The following FAM240A variants were observed in gnomAD, a reference collection of about 807,000 sequenced individuals.
FAM240A encodes family with sequence similarity 240 member A, also known as protein FAM240A.
FAM240A carries 8 observed loss-of-function variants against 7.3 expected under a neutral mutation model. That is an observed-to-expected ratio of 1.09 (90% CI 0.64 to 1.97). The LOEUF is 1.97. Among genes scored for constraint, FAM240A ranks in the 30% most tolerant of loss-of-function variants. The probability of loss-of-function intolerance (pLI) is 0.00; values close to 1 mark genes in which losing one functional copy is unlikely to be tolerated. For missense variants in FAM240A, 90 were observed against 102.2 expected (o/e 0.88, Z 0.52); for synonymous variants, 32 against 35.9 (o/e 0.89, Z 0.38).
Position 46,612,702 on chromosome 3 carries a change from A to G in FAM240A, c.15+4A>G. The stretch of plus-strand genomic sequence containing the variant: ...TCCCTTCATGCGGTTGTTCTCTGTA[A>G]GTGTTAATTAATTTGTTGATTTTGT... On this transcript the variant is annotated splice_donor_region_variant and intron_variant, in intron 1 of 2. Coordinates refer to ENST00000640551, the MANE Select transcript of FAM240A (RefSeq NM_001195442.2). 1 of 1,534,444 alleles carries G rather than the reference A, an allele frequency of 6.5e-7. No individual in the cohort carries two copies. The highest frequency in any genetic ancestry group is 8.7e-7 in the Non-Finnish European group (1 of 1,145,384).
intron 2 of FAM240A, among the ~76,000 whole-genome samples, chr3:46,623,927 C>G (rs1017405182): frequency 1.3e-5 from 2 of 152,092 alleles, no homozygotes; most frequent in Non-Finnish European, 2.9e-5. Context: ...CTCTATTTCT[C>G]TCATCTGTTG....
intron 1 of FAM240A, among the ~76,000 whole-genome samples, chr3:46,615,969 T>C (rs1222992171): frequency 2.6e-5 from 4 of 152,212 alleles, no homozygotes; most frequent in Non-Finnish European, 5.9e-5. Flanking sequence ...CTGAAGCCTG[T>C]CACTCCTCAA....
intron 1 of FAM240A, among the ~76,000 whole-genome samples, chr3:46,616,690 T>TACACAC (rs3087116): frequency 0.014 from 1,989 of 143,606 alleles, 21 homozygotes; most frequent in Non-Finnish European, 0.021. Context: ...AGTATTCCAT[T>TACACAC]ACACACACAC....
At chr3:46,624,983 T>TA in intron 2 of FAM240A, 145 bp from the exon 3 acceptor site, 1 of 216,348 alleles carries the variant, frequency 4.6e-6, no homozygotes, top group Non-Finnish European at 8.6e-6. Flanking sequence ...ATATATATAT[T>TA]TAAACTTGCA....
intron 2 of FAM240A, among the ~76,000 whole-genome samples, chr3:46,624,595 T>C (rs773629693): frequency 1.1e-4 from 16 of 152,130 alleles, no homozygotes; most frequent in Non-Finnish European, 2.4e-4. Context: ...TAAAGCTATT[T>C]AAGTAGTTTT....
At chr3:46,622,469 G>A (rs1045387106) in intron 2 of FAM240A, among the ~76,000 whole-genome samples, 1 of 152,006 alleles carries the variant, frequency 6.6e-6, no homozygotes, top group Admixed American at 6.6e-5. Context: ...CTATCCCAAG[G>A]TCACAAAGAT....
intron 1 of FAM240A, among the ~76,000 whole-genome samples, chr3:46,614,556 T>A (rs1288418017): frequency 6.6e-6 from 1 of 152,248 alleles, no homozygotes; most frequent in Non-Finnish European, 1.5e-5. Context: ...AAGGGAGCTC[T>A]GCTATTTCTT....
chr3:46,624,860 A>G (rs1472260594), intron 2 of FAM240A, among the ~76,000 whole-genome samples: 1 of 151,932 alleles, frequency 6.6e-6, no homozygotes, highest in African/African-American at 2.4e-5. Context: ...CCTGACTGCA[A>G]ATATATTTTC....
Position 46,618,500 on chromosome 3 carries a change from C to A in FAM240A, c.161+1172C>A, listed in dbSNP as rs560019289. Among the ~76,000 whole-genome samples, 320 of 152,268 alleles carry A rather than the reference C, an allele frequency of 2.1e-3. 7 individuals are homozygous for A. The highest frequency in any genetic ancestry group is 1.7e-3 in the East Asian group (9 of 5,184). On this transcript the variant is annotated intron_variant, in intron 2 of 2. Transcript: ENST00000640551. ...AGAGAGGCACAAGCCAAGGGGTGAA[C>A]AAAACAGCCTCTGAAGCAAATTGTG... is the stretch of plus-strand genomic sequence containing the variant.
intron 2 of FAM240A, among the ~76,000 whole-genome samples, chr3:46,623,985 A>G (rs902914071): frequency 1.3e-5 from 2 of 151,876 alleles, no homozygotes; most frequent in African/African-American, 4.8e-5. Flanking sequence ...TCAAGTGAGT[A>G]TTTTTTATGA....
chr3:46,625,695 A>G lies in FAM240A; in HGVS notation c.*477A>G, dbSNP rs1415406357. 6.6e-6 allele frequency: 1 copy of G among 152,202 alleles called. No individual in the cohort carries two copies. The highest frequency in any genetic ancestry group is 2.4e-5 in the African/African-American group (1 of 41,446). 9.4% of individuals were successfully genotyped at this position (152,202 alleles called of 1,614,324 possible). A position where few individuals can be genotyped will look rare whatever the true frequency, so the allele number is the denominator to read the frequency against. ...ACCTATCTGCAGAAATTAAAAAACA[A>G]TTATCAATAGTCAAAGTACAATTTG... On this transcript the variant is annotated 3_prime_UTR_variant, in exon 3 of 3. Transcript: ENST00000640551.
chr3:46,615,571 G>C (rs1023081435), intron 1 of FAM240A, among the ~76,000 whole-genome samples: 2 of 152,052 alleles, frequency 1.3e-5, no homozygotes, highest in Non-Finnish European at 2.9e-5. Context: ...CAAAATGCCT[G>C]TCTGGACCCA....
intron 2 of FAM240A, among the ~76,000 whole-genome samples, chr3:46,622,731 C>T (rs962985216): frequency 6.6e-5 from 10 of 152,124 alleles, no homozygotes; most frequent in Non-Finnish European, 1.3e-4. Context: ...TCCCATTGAT[C>T]TATTTGTCCA....
At chr3:46,625,076 C>G in intron 2 of FAM240A, 52 bp from the exon 3 acceptor site, 2 of 1,362,194 alleles carry the variant, frequency 1.5e-6, no homozygotes, top group South Asian at 1.2e-5. Flanking sequence ...TCTCCTGAAC[C>G]AAGAGCCATG....
intron 1 of FAM240A, among the ~76,000 whole-genome samples, chr3:46,614,065 C>T (rs911321191): frequency 6.6e-6 from 1 of 151,984 alleles, no homozygotes; most frequent in East Asian, 1.9e-4. Context: ...ACCACAGGCA[C>T]GTAGCACTAC....
At position 46,612,555 on chromosome 3, in the gene FAM240A, G is replaced by T. The variant is rs1214704404; in HGVS notation, c.-129G>T. On this transcript the variant is annotated 5_prime_UTR_variant, in exon 1 of 3. In the 5' UTR this introduces an upstream ATG that the reference lacks. Coordinates refer to ENST00000640551, the MANE Select transcript of FAM240A (RefSeq NM_001195442.2). ...GCTGGCACAGCGTTAAGGCTTGCGA[G>T]GGACAAATGTTCCTTTGTTCTTGTT... The T allele has an allele frequency of 2.2e-5, 16 of 734,190 alleles. No homozygotes were observed. The highest frequency in any genetic ancestry group is 3.5e-5 in the Non-Finnish European group (15 of 423,418). The allele number at this position is 734,190 out of a possible 1,614,324, so 45.5% of individuals were successfully genotyped here. A position where few individuals can be genotyped will look rare whatever the true frequency, so the allele number is the denominator to read the frequency against.
At chr3:46,616,908 A>G (rs1428941769) in intron 1 of FAM240A, among the ~76,000 whole-genome samples, 1 of 152,024 alleles carries the variant, frequency 6.6e-6, no homozygotes, top group Admixed American at 6.6e-5. Context: ...TGGTAGATCT[A>G]CTCTCAGTTC....
chr3:46,613,659 A>G (rs1697594699), intron 1 of FAM240A, among the ~76,000 whole-genome samples: 1 of 151,858 alleles, frequency 6.6e-6, no homozygotes, highest in Non-Finnish European at 1.5e-5. Flanking sequence ...CAAGATTTCC[A>G]CTGCAGGTCT....
intron 2 of FAM240A, among the ~76,000 whole-genome samples, chr3:46,618,920 T>C (rs3087153): frequency 0.31 from 32,473 of 105,004 alleles, 3,826 homozygotes; most frequent in African/African-American, 0.35. Flanking sequence ...CACACACACA[T>C]ATGCAGTATC....
Sources: allele counts gnomAD v4.1 joint callset (sites outside exome capture counted in the v4.1 genomes callset), GRCh38; gene constraint gnomAD v4.1.1; transcripts MANE v1.5; gene names NCBI Gene and HGNC (gene_info 2026-07-23, HGNC 2026-07-21).